C2CD2: variants seen among roughly 807,000 people sequenced by gnomAD.
C2CD2 encodes C2 calcium dependent domain containing 2, also known as C2 domain-containing protein 2.
A neutral mutation model predicts 74.3 loss-of-function variants in C2CD2; 43 were observed. The ratio of observed to expected loss-of-function variants is 0.58; its 90% CI spans 0.45 to 0.75. C2CD2 has a LOEUF of 0.75. C2CD2 is among the 30% of genes least tolerant of loss of function. C2CD2 has a pLI of 0.00. For missense variants in C2CD2, 801 were observed against 916.3 expected, an observed-to-expected ratio of 0.87 and a Z score of 1.63; for synonymous variants, 422 against 390.7, an observed-to-expected ratio of 1.08 and a Z score of -0.94.
In C2CD2 at chr21:41,901,508, TG is replaced by T. The variant is rs1375703989; in HGVS notation, c.1560+113del. ...AGGAACATAATTTGACATTTGTAAA[TG>T]GAACTCTCTGGACGTTAACCAAGTG... On this transcript the variant is annotated intron_variant, in intron 12 of 13. Coordinates refer to ENST00000380486, the MANE Select transcript of C2CD2 (RefSeq NM_015500.2). 2.8e-6 allele frequency: 3 copies of T among 1,063,060 alleles called. No individual in the cohort carries two copies. In the South Asian group the frequency reaches 3.8e-5, roughly 13 times the overall value. 65.9% of individuals were successfully genotyped at this position (1,063,060 alleles called of 1,614,324 possible).
chr21:41,928,583 G>C (rs1301663211), intron 2 of C2CD2, among the ~76,000 whole-genome samples: 1 of 143,082 alleles, frequency 7.0e-6, no homozygotes, highest in African/African-American at 2.6e-5. Flanking sequence ...ACTGAGCCGA[G>C]CTTCCTGTTT....
At position 41,892,851 on chromosome 21, in the gene C2CD2, A is replaced by G. The variant is rs1431852430; in HGVS notation, c.1871-3507T>C. Among the ~76,000 whole-genome samples, 1 of 152,212 alleles carries G rather than the reference A, an allele frequency of 6.6e-6. No homozygotes were observed. The highest frequency in any genetic ancestry group is 1.5e-5 in the Non-Finnish European group (1 of 68,034). On this transcript the variant is annotated intron_variant, in intron 13 of 13. Coordinates refer to ENST00000380486, the MANE Select transcript of C2CD2 (RefSeq NM_015500.2). The surrounding 1 kb of genome is among the most constrained non-coding windows in gnomAD (Gnocchi z 4.6). ...CATGTCGCTGCTCATGCTCCTTCGC[A>G]CTTCACTCTGGGGGCCGGCAGACCA...
Position 41,888,913 on chromosome 21 carries a change from G to T in C2CD2, c.*211C>A. 1.7e-6 allele frequency: 1 copy of T among 593,698 alleles called. No homozygotes were observed. 36.8% of individuals were successfully genotyped at this position (593,698 alleles called of 1,614,324 possible). ...AGCTGTCAAGTCTCATTTAGCATCTGGTGGCAAGTTGGGCTTTTTTGTCCT... is the reference window on the plus strand; with the variant it reads ...AGCTGTCAAGTCTCATTTAGCATCTTGTGGCAAGTTGGGCTTTTTTGTCCT... On this transcript the variant is annotated 3_prime_UTR_variant, in exon 14 of 14. Coordinates refer to ENST00000380486, the MANE Select transcript of C2CD2 (RefSeq NM_015500.2).
intron 2 of C2CD2, among the ~76,000 whole-genome samples, chr21:41,928,812 A>C (rs938140521): frequency 6.6e-6 from 1 of 152,120 alleles, no homozygotes; most frequent in Non-Finnish European, 1.5e-5. Flanking sequence ...GATATGGAAT[A>C]AGGTTCTGGG....
At chr21:41,917,982 G>T in intron 5 of C2CD2, 123 bp downstream of exon 5, 1 of 1,123,622 alleles carries the variant, frequency 8.9e-7, no homozygotes, top group Non-Finnish European at 1.3e-6. Flanking sequence ...GCAAGCACCC[G>T]AGCCATCTTG....
At position 41,901,727 on chromosome 21, in the gene C2CD2, C is replaced by A. The variant is rs371761049; in HGVS notation, c.1455G>T (p.Ser485=). The part of the protein sequence containing the change: ...SDTELLVLNG[S]DPVAEVAIRQ... The stretch of plus-strand genomic sequence containing the variant: ...GAATGGCCACTTCAGCCACTGGATC[C>A]GAACCATTCAACACCAACAATTCTA... The change falls in exon 12 of 14, where the codon TCG becomes TCT. Residue 485 remains serine (S), a synonymous_variant. Coordinates refer to ENST00000380486, the MANE Select transcript of C2CD2 (RefSeq NM_015500.2). 3.1e-6 allele frequency: 5 copies of A among 1,613,860 alleles called. No homozygotes were observed. The South Asian group carries it at 4.4e-5, about 14-fold the overall frequency.
chr21:41,938,889 A>C (rs185792460), intron 2 of C2CD2, among the ~76,000 whole-genome samples: 1 of 152,080 alleles, frequency 6.6e-6, no homozygotes, highest in Non-Finnish European at 1.5e-5. Context: ...TTACAGGTGC[A>C]TGCCAACACA....
chr21:41,918,660 C>T (rs1452137723), intron 4 of C2CD2, among the ~76,000 whole-genome samples, 196 bp downstream of exon 4: 1 of 152,138 alleles, frequency 6.6e-6, no homozygotes, highest in Non-Finnish European at 1.5e-5. Context: ...TCCATCAAAG[C>T]CATCCCCCAG....
intron 7 of C2CD2, 120 bp downstream of exon 7, chr21:41,912,212 T>C: frequency 8.3e-6 from 5 of 605,362 alleles, no homozygotes; most frequent in Non-Finnish European, 1.5e-5. Flanking sequence ...ACATCATTTG[T>C]TGTTAACTGT....
chr21:41,918,291 C>T (rs2245036), intron 4 of C2CD2, 64 bp from the exon 5 acceptor site: 508,283 of 1,562,360 alleles, frequency 0.33, 84,302 homozygotes, highest in South Asian at 0.36. Context: ...CCCAATCTCA[C>T]GTCTTCAGGT....
chr21:41,953,361 G>A lies in C2CD2; in HGVS notation c.279+9C>T. ...TGCCGCCCCCCGGCCCGCAGTCCCG[G>A]AAACTCACCCCTTTCCTCTCGGCCT... On this transcript the variant is annotated intron_variant, in intron 1 of 13. Transcript: ENST00000380486. 7.1e-7 allele frequency: 1 copy of A among 1,408,338 alleles called. No individual in the cohort carries two copies. Among genetic ancestry groups the A allele is most frequent in the Non-Finnish European group, 9.3e-7 (1 of 1,076,926 alleles). 87.2% of individuals were successfully genotyped at this position (1,408,338 alleles called of 1,614,324 possible). A position where few individuals can be genotyped will look rare whatever the true frequency, so the allele number is the denominator to read the frequency against.
chr21:41,914,470 G>A (rs1054099172), intron 6 of C2CD2, 128 bp downstream of exon 6: 11 of 662,908 alleles, frequency 1.7e-5, no homozygotes, highest in East Asian at 9.0e-5. Flanking sequence ...TTCTGCAACC[G>A]TGGCAGGGCT....
At chr21:41,953,269 G>C in intron 1 of C2CD2, 101 bp downstream of exon 1, 1 of 746,266 alleles carries the variant, frequency 1.3e-6, no homozygotes, top group Non-Finnish European at 2.0e-6. Context: ...GACTCCCTTA[G>C]CCTGGGTCAG....
chr21:41,945,616 T>C lies in C2CD2; in HGVS notation c.280-3371A>G, dbSNP rs1466046511. ...AACTGATTCGGTTTGGCTCTGTTTG[T>C]AACCACCATGTGTCAAGAGAGGGAC... On this transcript the variant is annotated intron_variant, in intron 1 of 13. Coordinates refer to ENST00000380486, the MANE Select transcript of C2CD2 (RefSeq NM_015500.2). This position sits in a 1 kb window ranked among gnomAD's most constrained non-coding sequence, Gnocchi z 4.2. Among the ~76,000 whole-genome samples, 1 of 152,200 alleles carries C rather than the reference T, an allele frequency of 6.6e-6. No homozygotes were observed. The highest frequency in any genetic ancestry group is 1.5e-5 in the Non-Finnish European group (1 of 68,034).
rs1191744257 is a variant in C2CD2 at position 41,917,048 on chromosome 21, C to T, written c.720+1057G>A. ...GGAGAGGCTGAGTGCCCCCAGGCCT[C>T]AGGCCCCTGGGAAGCCCCCCAGACA... On this transcript the variant is annotated intron_variant, in intron 5 of 13. Transcript: ENST00000380486. 3.3e-5 allele frequency among the ~76,000 whole-genome samples: 5 copies of T among 152,154 alleles called. 1 individual carries two copies. The highest frequency in any genetic ancestry group is 2.6e-4 in the Admixed American group (4 of 15,286).
chr21:41,937,034 T>G (rs1400169491), intron 2 of C2CD2, among the ~76,000 whole-genome samples: 3 of 151,996 alleles, frequency 2.0e-5, no homozygotes, highest in African/African-American at 7.3e-5. Flanking sequence ...TTAGCTGGGC[T>G]GGTCTTGAAC....
Position 41,953,406 on chromosome 21 carries a change from C to A in C2CD2, c.243G>T (p.Trp81Cys), listed in dbSNP as rs1011527638. 4.9e-6 allele frequency: 7 copies of A among 1,419,278 alleles called. No homozygotes were observed. The highest frequency in any genetic ancestry group is 6.5e-6 in the Non-Finnish European group (7 of 1,082,196). The allele number at this position is 1,419,278 out of a possible 1,614,324, so 87.9% of individuals were successfully genotyped here. A position where few individuals can be genotyped will look rare whatever the true frequency, so the allele number is the denominator to read the frequency against. Residue 81 changes from tryptophan to cysteine, a missense_variant, in exon 1 of 14, where the codon TGG becomes TGT. Transcript: ENST00000380486. ...GSWRSQWQAA[W>C]VTALNEEAER... Reference sequence around the variant, plus strand: ...CGGCCTCCTCGTTCAGGGCGGTCACCCAGGCCGCCTGCCACTGGCTCCTCC... The same window carrying A: ...CGGCCTCCTCGTTCAGGGCGGTCACACAGGCCGCCTGCCACTGGCTCCTCC...
intron 3 of C2CD2, 122 bp from the exon 4 acceptor site, chr21:41,919,082 G>A (rs2065126398): frequency 1.8e-5 from 13 of 726,096 alleles, no homozygotes; most frequent in Non-Finnish European, 2.7e-5. Flanking sequence ...ATGTGTCTAT[G>A]TGAGCATATA....
intron 1 of C2CD2, among the ~76,000 whole-genome samples, chr21:41,949,050 C>T (rs1292530211): frequency 1.3e-5 from 2 of 152,028 alleles, no homozygotes; most frequent in South Asian, 2.1e-4. Flanking sequence ...CGCTACCAGA[C>T]AAGCCCAGAG....
Sources: gnomAD v4.1 joint callset for allele counts (sites outside exome capture counted in the v4.1 genomes callset) on GRCh38, gnomAD v4.1.1 for gene constraint, Gnocchi (gnomAD v3.1) non-coding constraint, MANE v1.5 for transcripts, NCBI Gene and HGNC (gene_info 2026-07-23, HGNC 2026-07-21) for gene names.